The following GALNT1 variants were observed in gnomAD, a reference collection of about 807,000 sequenced individuals.
GALNT1 encodes the protein polypeptide N-acetylgalactosaminyltransferase 1, also known as GalNAc transferase 1.
Under a neutral mutation model 65.7 loss-of-function variants are expected in GALNT1, and 17 were observed. The observed-to-expected ratio is 0.26, with a 90% CI of 0.18 to 0.39. GALNT1 has a LOEUF of 0.39. Ranked by LOEUF, GALNT1 falls within the 10% of genes least tolerant of loss-of-function variation. GALNT1 has a pLI of 1.00. For synonymous variants in GALNT1, 210 were observed against 219.7 expected, an observed-to-expected ratio of 0.96 and a Z score of 0.39; for missense variants, 460 against 672.8, an observed-to-expected ratio of 0.68 and a Z score of 3.50.
intron 9 of GALNT1, among the ~76,000 whole-genome samples, chr18:35,696,768 A>G (rs35858566): frequency 0.01 from 1,588 of 152,312 alleles, 9 homozygotes; most frequent in Middle Eastern, 0.024. Flanking sequence ...TAAACTCACA[A>G]CCATCTGGTT....
In GALNT1 at chr18:35,710,010, TGAAA is replaced by T. The variant is rs2048329782; in HGVS notation, c.*243_*246del. The stretch of plus-strand genomic sequence containing the variant: ...CTGTGCACACTGATGTTTACAAGAT[TGAAA>T]GAGTCTTTCTCCGAAAATCATGGTA... On this transcript the variant is annotated 3_prime_UTR_variant, in exon 12 of 12. Coordinates refer to ENST00000269195, the MANE Select transcript of GALNT1 (RefSeq NM_020474.4). 1 of 406,288 alleles carries T rather than the reference TGAAA, an allele frequency of 2.5e-6. No individual in the cohort carries two copies. The highest frequency in any genetic ancestry group is 2.0e-5 in the African/African-American group (1 of 50,688). 25.2% of individuals were successfully genotyped at this position (406,288 alleles called of 1,614,324 possible).
Position 35,709,689 on chromosome 18 carries a change from G to A in GALNT1, c.1599G>A (p.Gln533=). The change falls in exon 12 of 12, where the codon CAG becomes CAA. Residue 533 remains glutamine, a synonymous_variant. Transcript: ENST00000269195. ...CLDKATEEDS[Q]VPSIRDCNGS... ...ATAAAGCCACAGAAGAGGATAGCCA[G>A]GTGCCCAGCATTAGAGACTGCAATG... 1 of 1,614,086 alleles carries A rather than the reference G, an allele frequency of 6.2e-7. No homozygotes were observed. Among genetic ancestry groups the A allele is most frequent in the South Asian group, 1.1e-5 (1 of 91,066 alleles).
At chr18:35,586,809 C>G (rs1309285271) in intron 1 of GALNT1, among the ~76,000 whole-genome samples, 2 of 152,086 alleles carry the variant, frequency 1.3e-5, no homozygotes, top group African/African-American at 4.8e-5. Context: ...TTTAGCTGTT[C>G]TAGTTCCTTT....
chr18:35,680,006 G>T (rs570547266), intron 4 of GALNT1, among the ~76,000 whole-genome samples: 1 of 151,960 alleles, frequency 6.6e-6, no homozygotes, highest in Non-Finnish European at 1.5e-5. Context: ...CTTTTTTAAA[G>T]CATGCAAATT....
chr18:35,689,376 T>C, intron 7 of GALNT1, 86 bp downstream of exon 7: 1 of 796,806 alleles, frequency 1.3e-6, no homozygotes, highest in Middle Eastern at 2.6e-4. Context: ...ACATAAAAAA[T>C]AAAAATTGAA....
intron 1 of GALNT1, among the ~76,000 whole-genome samples, chr18:35,651,682 G>A (rs79321731): frequency 0.014 from 2,090 of 152,218 alleles, 44 homozygotes; most frequent in African/African-American, 0.046. Flanking sequence ...TAAGGACAGC[G>A]AAGGACACAC....
intron 4 of GALNT1, among the ~76,000 whole-genome samples, chr18:35,682,908 TAAAA>T (rs34199709): frequency 1.3e-3 from 150 of 118,464 alleles, no homozygotes; most frequent in African/African-American, 4.2e-3. Context: ...GCCCCCTGAT[TAAAA>T]AAAAAAAAAA....
chr18:35,663,703 A>G lies in GALNT1; in HGVS notation c.215A>G (p.Gln72Arg). 6.2e-7 allele frequency: 1 copy of G among 1,614,090 alleles called. No individual in the cohort carries two copies. Among genetic ancestry groups the G allele is most frequent in the Non-Finnish European group, 8.5e-7 (1 of 1,179,954 alleles). ...GKPVVIPKED[Q>R]EKMKEMFKIN... Reference sequence around the variant, plus strand: ...CCAGTCGTCATTCCTAAAGAGGATCAAGAAAAGATGAAAGAGATGTTTAAA... The same window carrying G: ...CCAGTCGTCATTCCTAAAGAGGATCGAGAAAAGATGAAAGAGATGTTTAAA... Residue 72 changes from glutamine (Q) to arginine (R), a missense_variant, in exon 3 of 12, where the codon CAA becomes CGA. By Grantham distance (43) the Gln-to-Arg change is conservative. Coordinates refer to ENST00000269195, the MANE Select transcript of GALNT1 (RefSeq NM_020474.4).
intron 3 of GALNT1, 119 bp downstream of exon 3, chr18:35,663,921 T>G (rs2047510343): frequency 4.9e-6 from 4 of 818,670 alleles, no homozygotes; most frequent in Middle Eastern, 3.7e-4. Flanking sequence ...ATGTTACTAC[T>G]TACCCCACTT....
chr18:35,590,558 G>T (rs976393128), intron 1 of GALNT1, among the ~76,000 whole-genome samples: 1 of 152,182 alleles, frequency 6.6e-6, no homozygotes, highest in African/African-American at 2.4e-5. Context: ...CAGTTCATTT[G>T]TAGAAAGGAG....
chr18:35,591,465 A>G (rs1325972123), intron 1 of GALNT1, among the ~76,000 whole-genome samples: 1 of 152,248 alleles, frequency 6.6e-6, no homozygotes, highest in African/African-American at 2.4e-5. Flanking sequence ...TGCTCTTTAT[A>G]ACAAAATTAA....
In GALNT1 at chr18:35,692,327, A is replaced by AATAT. The variant is rs143443382; in HGVS notation, c.1299+20_1299+23dup. 6.9e-6 allele frequency: 10 copies of AATAT among 1,455,660 alleles called. No homozygotes were observed. Among genetic ancestry groups the AATAT allele is most frequent in the Non-Finnish European group, 8.5e-6 (9 of 1,063,934 alleles). 90.2% of individuals were successfully genotyped at this position (1,455,660 alleles called of 1,614,324 possible). On this transcript the variant is annotated splice_region_variant and intron_variant, in intron 9 of 11. Coordinates refer to ENST00000269195, the MANE Select transcript of GALNT1 (RefSeq NM_020474.4). ...CTATTTCTCATTGGGAGAGGTAAGA[A>AATAT]ATATATATATATATATTCTATGTGG...
chr18:35,601,130 T>C (rs999398669), intron 1 of GALNT1, among the ~76,000 whole-genome samples: 5 of 152,114 alleles, frequency 3.3e-5, no homozygotes, highest in African/African-American at 1.2e-4. Context: ...TTACTTTTGA[T>C]TGGTCTGTTC....
intron 1 of GALNT1, among the ~76,000 whole-genome samples, chr18:35,636,779 C>CTTTGTTTTTTT (rs2047094488): frequency 1.0e-5 from 1 of 97,798 alleles, no homozygotes; most frequent in Non-Finnish European, 2.0e-5. Flanking sequence ...ACAGATACTA[C>CTTTGTTTTTTT]TTTGTTTTTT....
At chr18:35,592,178 G>C (rs929226148) in intron 1 of GALNT1, among the ~76,000 whole-genome samples, 3 of 152,174 alleles carry the variant, frequency 2.0e-5, no homozygotes, top group African/African-American at 7.2e-5. Flanking sequence ...CCCGGATGAG[G>C]AAAGTGACTT....
chr18:35,688,284 A>G (rs2047900348), intron 6 of GALNT1, among the ~76,000 whole-genome samples: 1 of 152,152 alleles, frequency 6.6e-6, no homozygotes, highest in African/African-American at 2.4e-5. Context: ...AATAAGTCCA[A>G]ACCTTTTTTG....
At chr18:35,629,177 G>A (rs2046967342) in intron 1 of GALNT1, among the ~76,000 whole-genome samples, 1 of 152,186 alleles carries the variant, frequency 6.6e-6, no homozygotes, top group South Asian at 2.1e-4. Context: ...CCCCAACCAA[G>A]CAAGGCAGGC....
At chr18:35,635,652 TTAGAG>T (rs917183448) in intron 1 of GALNT1, among the ~76,000 whole-genome samples, 2 of 152,190 alleles carry the variant, frequency 1.3e-5, no homozygotes, top group African/African-American at 2.4e-5. Context: ...GATATACTCT[TTAGAG>T]TATGATATTC....
intron 1 of GALNT1, among the ~76,000 whole-genome samples, chr18:35,617,532 C>T (rs2046800328): frequency 6.6e-6 from 1 of 152,152 alleles, no homozygotes; most frequent in East Asian, 1.9e-4. Context: ...AACCTGTATC[C>T]ATTCTCCAGA....
Sources: allele counts gnomAD v4.1 joint callset (sites outside exome capture counted in the v4.1 genomes callset), GRCh38; gene constraint gnomAD v4.1.1; transcripts MANE v1.5; gene names NCBI Gene and HGNC (gene_info 2026-07-23, HGNC 2026-07-21).